The following ZBTB8B variants were observed in gnomAD, a reference collection of about 807,000 sequenced individuals.
The protein encoded by ZBTB8B is zinc finger and BTB domain containing 8B.
ZBTB8B carries 17 observed loss-of-function variants against 30.3 expected under a neutral mutation model. That is an observed-to-expected ratio of 0.56 (90% confidence interval 0.38 to 0.84). The LOEUF is 0.84. Ranked by LOEUF, ZBTB8B falls within the 40% of genes least tolerant of loss-of-function variation. The pLI, the probability that ZBTB8B is intolerant of heterozygous loss-of-function variation, is 0.00. For synonymous variants in ZBTB8B, 248 were observed against 255.6 expected (o/e 0.97, Z 0.28); for missense variants, 515 against 644.9 (o/e 0.80, Z 2.18).
In ZBTB8B at chr1:32,485,253, C is replaced by T; in HGVS notation, c.1323C>T (p.Asn441=). 6.4e-7 allele frequency: 1 copy of T among 1,552,086 alleles called. No homozygotes were observed. The highest frequency in any genetic ancestry group is 8.7e-7 in the Non-Finnish European group (1 of 1,147,102). The change falls in exon 4 of 4, where the codon AAC becomes AAT. Residue 441 remains asparagine, a synonymous_variant. Coordinates refer to ENST00000609129, the MANE Select transcript of ZBTB8B (RefSeq NM_001145720.2). The part of the protein sequence containing the change: ...PDDDDDLMPI[N]LSLVEASSES... The stretch of plus-strand genomic sequence containing the variant: ...ATGATGATGATTTGATGCCCATCAA[C>T]CTTAGCTTGGTGGAGGCTTCATCTG...
intron 1 of ZBTB8B, among the ~76,000 whole-genome samples, chr1:32,466,788 G>GATC (rs1643574145): frequency 6.6e-6 from 1 of 152,130 alleles, no homozygotes. Context: ...AGCCCCTATA[G>GATC]ATCAGACCAT....
In ZBTB8B at chr1:32,470,507, A is replaced by ATAAAAAAAAAAT. The variant is rs1396630216; in HGVS notation, c.-41-77_-41-76insTAAAAAAAAAAT. On this transcript the variant is annotated intron_variant, in intron 1 of 3. Coordinates refer to ENST00000609129, the MANE Select transcript of ZBTB8B (RefSeq NM_001145720.2). Reference sequence around the variant, plus strand: ...AGAGCAAGACGCTGACTCAAAAAAAAAAAAAAAAAAAAAAAAAAAGAAATC... The same window carrying ATAAAAAAAAAAT: ...AGAGCAAGACGCTGACTCAAAAAAAATAAAAAAAAAATAAAAAAAAAAAAAAAAAAAGAAATC... 3 of 1,010,842 alleles carry ATAAAAAAAAAAT rather than the reference A, an allele frequency of 3.0e-6. No homozygotes were observed. In the African/African-American group the frequency reaches 5.2e-5, roughly 17 times the overall value. 62.6% of individuals were successfully genotyped at this position (1,010,842 alleles called of 1,614,324 possible).
chr1:32,472,513 A>G (rs975367578), intron 2 of ZBTB8B, among the ~76,000 whole-genome samples: 1 of 152,216 alleles, frequency 6.6e-6, no homozygotes, highest in African/African-American at 2.4e-5. Flanking sequence ...TATATGCTCC[A>G]GAGATTTATA....
At chr1:32,480,758 G>A (rs1249902416) in intron 2 of ZBTB8B, 133 bp from the exon 3 acceptor site, 2 of 737,596 alleles carry the variant, frequency 2.7e-6, no homozygotes, top group East Asian at 2.9e-5. Context: ...GCTGTTGGCT[G>A]GTGGCGGAGT....
chr1:32,480,348 CTCT>C (rs1643695291), intron 2 of ZBTB8B, among the ~76,000 whole-genome samples: 1 of 152,100 alleles, frequency 6.6e-6, no homozygotes, highest in Non-Finnish European at 1.5e-5. Flanking sequence ...GTGTCTCTTC[CTCT>C]TCTTATAAGG....
Position 32,496,055 on chromosome 1 carries a change from T to A in ZBTB8B, c.*10637T>A, listed in dbSNP as rs544303322. 16 of 152,034 alleles carry A rather than the reference T, an allele frequency of 1.1e-4. No homozygotes were observed. The East Asian group carries it at 2.9e-3, about 28-fold the overall frequency. The allele number at this position is 152,034 out of a possible 1,614,324, so 9.4% of individuals were successfully genotyped here. ...ACAAGATTTTAGTTAAGGAAAAAAA[T>A]AACCCCACAAAATAAAGAGAACTAT... On this transcript the variant is annotated 3_prime_UTR_variant, in exon 4 of 4. Coordinates refer to ENST00000609129, the MANE Select transcript of ZBTB8B (RefSeq NM_001145720.2).
chr1:32,474,028 T>C (rs1643643568), intron 2 of ZBTB8B, among the ~76,000 whole-genome samples: 1 of 151,528 alleles, frequency 6.6e-6, no homozygotes, highest in Non-Finnish European at 1.5e-5. Flanking sequence ...TTTTTGTAGT[T>C]TTAGTAGAGA....
At position 32,487,176 on chromosome 1, in the gene ZBTB8B, A is replaced by G. The variant is rs759427274; in HGVS notation, c.*1758A>G. The G allele has an allele frequency of 6.6e-6, 1 of 152,208 alleles. No homozygotes were observed. Among genetic ancestry groups the G allele is most frequent in the Non-Finnish European group, 1.5e-5 (1 of 68,034 alleles). The allele number at this position is 152,208 out of a possible 1,614,324, so 9.4% of individuals were successfully genotyped here. ...CAACAAAAAAGTCAAAAACATTATA[A>G]ATTGGCTTGTAAATGTTAGCCAAAG... On this transcript the variant is annotated 3_prime_UTR_variant, in exon 4 of 4. Coordinates refer to ENST00000609129, the MANE Select transcript of ZBTB8B (RefSeq NM_001145720.2).
At position 32,470,687 on chromosome 1, in the gene ZBTB8B, C is replaced by A. The variant is rs1261900256; in HGVS notation, c.63C>A (p.Asp21Glu). The A allele has an allele frequency of 6.4e-7, 1 of 1,551,514 alleles. No homozygotes were observed. Among genetic ancestry groups the A allele is most frequent in the Non-Finnish European group, 8.7e-7 (1 of 1,147,010 alleles). Residue 21 changes from aspartate (D) to glutamate (E), a missense_variant, in exon 2 of 4, where the codon GAC (aspartate) becomes GAA (glutamate). Transcript: ENST00000609129. ...AGCTGAATGAACAGAGAAAGAGGGA[C>A]TTTTTCTGTGACTGCAGCATCATTG... ...LGELNEQRKR[D>E]FFCDCSIIVE...
At position 32,470,456 on chromosome 1, in the gene ZBTB8B, C is replaced by G. The variant is rs528768125; in HGVS notation, c.-41-128C>G. ...CGGAGGTTGCAGTGAGCCGAGATTG[C>G]GCCACTTCACTCCAGCCTGGGCAAC... On this transcript the variant is annotated intron_variant, in intron 1 of 3. Coordinates refer to ENST00000609129, the MANE Select transcript of ZBTB8B (RefSeq NM_001145720.2). 2.7e-5 allele frequency: 24 copies of G among 893,602 alleles called. No individual in the cohort carries two copies. The African/African-American group carries it at 4.2e-4, about 16-fold the overall frequency. 55.4% of individuals were successfully genotyped at this position (893,602 alleles called of 1,614,324 possible).
At position 32,465,403 on chromosome 1, in the gene ZBTB8B, TG is replaced by T. The variant is rs1643563721; in HGVS notation, c.-42+304del. Among the ~76,000 whole-genome samples the T allele has an allele frequency of 6.6e-6, 1 of 152,084 alleles. No homozygotes were observed. The highest frequency in any genetic ancestry group is 2.4e-5 in the African/African-American group (1 of 41,418). Reference sequence around the variant, plus strand: ...TTCCACGGTGAATGGTGCCCAGGCGTGGGGGGCTCGGCCACACTGGAGAAGT... The same window carrying T: ...TTCCACGGTGAATGGTGCCCAGGCGTGGGGGCTCGGCCACACTGGAGAAGT... On this transcript the variant is annotated intron_variant, in intron 1 of 3. Transcript: ENST00000609129. This position sits in a 1 kb window ranked among gnomAD's most constrained non-coding sequence, Gnocchi z 4.1.
At chr1:32,474,242 C>A (rs1643644817) in intron 2 of ZBTB8B, among the ~76,000 whole-genome samples, 1 of 146,824 alleles carries the variant, frequency 6.8e-6, no homozygotes, top group African/African-American at 2.5e-5. Context: ...TGCAGTGGCT[C>A]ACACCTATAA....
Position 32,471,071 on chromosome 1 carries a change from A to G in ZBTB8B, c.447A>G (p.Ala149=), listed in dbSNP as rs749733309. The change falls in exon 2 of 4, where the codon GCA becomes GCG. Residue 149 remains alanine, a synonymous_variant. Coordinates refer to ENST00000609129, the MANE Select transcript of ZBTB8B (RefSeq NM_001145720.2). ...CAGCGGCGGCGGCTGCAGCGGCGGC[A>G]GCAGCGGCGGCTCATCAGGTTGACA... ...AAAAAAAAAA[A]AAAAHQVDSE... is the part of the protein sequence containing the mutation. 3.0e-4 allele frequency: 469 copies of G among 1,543,852 alleles called. 1 individual carries two copies. The highest frequency in any genetic ancestry group is 1.7e-4 in the Non-Finnish European group (194 of 1,144,794).
chr1:32,466,001 C>A (rs571609853), intron 1 of ZBTB8B, among the ~76,000 whole-genome samples: 1 of 152,048 alleles, frequency 6.6e-6, no homozygotes, highest in Non-Finnish European at 1.5e-5. Context: ...GAGGTAGGAT[C>A]GTGCACTCCA....
In ZBTB8B at chr1:32,490,685, G is replaced by A. The variant is rs1397131327; in HGVS notation, c.*5267G>A. On this transcript the variant is annotated 3_prime_UTR_variant, in exon 4 of 4. Coordinates refer to ENST00000609129, the MANE Select transcript of ZBTB8B (RefSeq NM_001145720.2). ...GCTCACTGCAAGCTCCGCCTCCTGG[G>A]TTCATGCCATTCTCCTGCCTCAGCC... 6.6e-6 allele frequency: 1 copy of A among 152,106 alleles called. No homozygotes were observed. The highest frequency in any genetic ancestry group is 2.4e-5 in the African/African-American group (1 of 41,400). 9.4% of individuals were successfully genotyped at this position (152,106 alleles called of 1,614,324 possible).
chr1:32,472,592 C>T (rs1643632436), intron 2 of ZBTB8B, among the ~76,000 whole-genome samples: 2 of 151,874 alleles, frequency 1.3e-5, no homozygotes, highest in South Asian at 4.2e-4. Context: ...ATGATGCCAT[C>T]TACTTGAGAC....
chr1:32,481,811 A>C (rs1323122607), intron 3 of ZBTB8B, among the ~76,000 whole-genome samples: 1 of 152,020 alleles, frequency 6.6e-6, no homozygotes, highest in Non-Finnish European at 1.5e-5. Context: ...CTTTGTGTTC[A>C]TAAGTTCTCA....
At position 32,485,221 on chromosome 1, in the gene ZBTB8B, C is replaced by T; in HGVS notation, c.1291C>T (p.Pro431Ser). 1 of 1,551,950 alleles carries T rather than the reference C, an allele frequency of 6.4e-7. No individual in the cohort carries two copies. Among genetic ancestry groups the T allele is most frequent in the East Asian group, 2.4e-5 (1 of 40,916 alleles). The change falls in exon 4 of 4, where the codon CCC becomes TCC. Residue 431 changes from proline to serine, a missense_variant. Pro to Ser is a moderately conservative substitution (Grantham distance 74). This residue lies in a region of ZBTB8B where 429 missense variants were observed against 504.3 expected (regional missense o/e 0.85). Coordinates refer to ENST00000609129, the MANE Select transcript of ZBTB8B (RefSeq NM_001145720.2). Reference sequence around the variant, plus strand: ...CAGCTGCACCTGCGTTACAGACACACCCGATGATGATGATGATTTGATGCC... The same window carrying T: ...CAGCTGCACCTGCGTTACAGACACATCCGATGATGATGATGATTTGATGCC... ...CDSCTCVTDT[P>S]DDDDDLMPIN...
chr1:32,483,861 T>C (rs1172704787), intron 3 of ZBTB8B, among the ~76,000 whole-genome samples: 1 of 151,708 alleles, frequency 6.6e-6, no homozygotes, highest in Non-Finnish European at 1.5e-5. Context: ...GCCCAGGAGT[T>C]CAAGTCCAGC....
Sources: allele counts gnomAD v4.1 joint callset (sites outside exome capture counted in the v4.1 genomes callset), GRCh38; gene constraint gnomAD v4.1.1; regional missense constraint gnomAD v4.1.1; non-coding constraint Gnocchi (gnomAD v3.1); transcripts MANE v1.5; gene names NCBI Gene and HGNC (gene_info 2026-07-23, HGNC 2026-07-21).